NHSL2: variants seen among roughly 807,000 people sequenced by gnomAD.
The protein encoded by NHSL2 is NHS like 2, also known as NHS-like protein 2.
NHSL2 carries 27 observed loss-of-function variants against 53.4 expected under a neutral mutation model. The observed-to-expected ratio is 0.51, with a 90% confidence interval of 0.37 to 0.70. The LOEUF (loss-of-function observed/expected upper bound fraction) is 0.70. NHSL2 is among the 30% of genes least tolerant of loss of function. The pLI is 0.00. For missense variants in NHSL2, 892 were observed against 980.1 expected, an observed-to-expected ratio of 0.91 and a Z score of 1.20; for synonymous variants, 408 against 404.1, an observed-to-expected ratio of 1.01 and a Z score of -0.12.
At chrX:72,121,874 C>T (rs918192374) in intron 1 of NHSL2, among the ~76,000 whole-genome samples, 1 of 112,038 alleles carries the variant, frequency 8.9e-6, no homozygotes, top group Middle Eastern at 4.6e-3. Flanking sequence ...GTAGTGTTAG[C>T]GGTATCTGTG....
intron 1 of NHSL2, among the ~76,000 whole-genome samples, chrX:71,988,062 G>A (rs2042010629): frequency 1.8e-5 from 2 of 112,161 alleles, no homozygotes; most frequent in Admixed American, 1.9e-4. Flanking sequence ...AGTCTCTGGC[G>A]AGACAGTCGC....
intron 1 of NHSL2, among the ~76,000 whole-genome samples, chrX:72,122,308 T>C: frequency 8.9e-6 from 1 of 112,190 alleles, no homozygotes; most frequent in Middle Eastern, 4.6e-3. Flanking sequence ...AGCACTTGCA[T>C]GTTAGTGCTG....
chrX:71,947,516 A>C (rs147141170), intron 1 of NHSL2, among the ~76,000 whole-genome samples: 118 of 112,374 alleles, frequency 1.1e-3, no homozygotes, highest in African/African-American at 3.3e-3. Flanking sequence ...TTGTTTTCCA[A>C]ATCACTCCCT....
At chrX:72,119,707 A>C (rs1041655061) in intron 1 of NHSL2, among the ~76,000 whole-genome samples, 1 of 112,043 alleles carries the variant, frequency 8.9e-6, no homozygotes, top group African/African-American at 3.2e-5. Flanking sequence ...AATATGGGTT[A>C]CTTCTCCCTT....
chrX:72,022,351 T>C (rs1291462422), intron 1 of NHSL2, among the ~76,000 whole-genome samples: 2 of 112,657 alleles, frequency 1.8e-5, no homozygotes, highest in African/African-American at 6.5e-5. Flanking sequence ...ATTACTTTAA[T>C]GTCTCAACCC....
chrX:72,132,381 C>T, intron 2 of NHSL2, 147 bp downstream of exon 2: 3 of 560,628 alleles, frequency 5.4e-6, no homozygotes, highest in Admixed American at 4.4e-5. Context: ...CAGCTTTCAC[C>T]TTTCAGCCTA....
In NHSL2 at chrX:72,139,311, G is replaced by T; in HGVS notation, c.1763G>T (p.Gly588Val). The T allele has an allele frequency of 8.3e-7, 1 of 1,209,253 alleles. No individual in the cohort carries two copies. The highest frequency in any genetic ancestry group is 1.8e-5 in the South Asian group (1 of 56,498). The change falls in exon 6 of 8, where the codon GGT (glycine) becomes GTT (valine). Residue 588 changes from glycine to valine, a missense_variant. Coordinates refer to ENST00000633930, the MANE Select transcript of NHSL2 (RefSeq NM_001013627.3). ...VKDEPGLLPE[G>V]GSALPKDQRP... ...GATGAGCCAGGCCTCTTGCCTGAAG[G>T]TGGGTCAGCACTACCCAAGGACCAG... is the stretch of plus-strand genomic sequence containing the variant.
chrX:71,964,023 A>ATATATATATATATGTGTATATATATATG (rs1556312333), intron 1 of NHSL2, among the ~76,000 whole-genome samples: 1 of 26,722 alleles, frequency 3.7e-5, no homozygotes, highest in African/African-American at 1.3e-4. Flanking sequence ...ATATATATAT[A>ATATATATATATATGTGTATATATATATG]TGTGTATATA....
Position 72,066,636 on chromosome X carries a change from G to A in NHSL2, c.281-65443G>A, listed in dbSNP as rs936562075. On this transcript the variant is annotated intron_variant, in intron 1 of 7. Transcript: ENST00000633930. The stretch of plus-strand genomic sequence containing the variant: ...ACAAGGGAGAAAGGAGGGGTTCCGC[G>A]TCTGCTCTTCTCTTTTGTTGTTCTT... Among the ~76,000 whole-genome samples, 29 of 111,888 alleles carry A rather than the reference G, an allele frequency of 2.6e-4. 1 individual carries two copies. The highest frequency in any genetic ancestry group is 2.4e-3 in the Admixed American group (25 of 10,609).
At chrX:71,926,865 A>C (rs1212439630) in intron 1 of NHSL2, among the ~76,000 whole-genome samples, 3 of 111,357 alleles carry the variant, frequency 2.7e-5, no homozygotes, top group Non-Finnish European at 5.7e-5. Context: ...TCATTCTTGC[A>C]ACAAAATGTT....
chrX:71,986,844 A>G (rs1164761528), intron 1 of NHSL2, among the ~76,000 whole-genome samples: 3 of 111,884 alleles, frequency 2.7e-5, no homozygotes, highest in Non-Finnish European at 3.8e-5. Context: ...ATTTGAGCGA[A>G]TATGTTCACA....
chrX:71,959,612 C>G (rs1013916526), intron 1 of NHSL2, among the ~76,000 whole-genome samples: 1 of 111,090 alleles, frequency 9.0e-6, no homozygotes. Context: ...TGTGACCCCC[C>G]AATCCCTCAG....
intron 1 of NHSL2, among the ~76,000 whole-genome samples, chrX:72,015,474 A>G (rs1428395358): frequency 8.9e-6 from 1 of 112,509 alleles, no homozygotes; most frequent in Non-Finnish European, 1.9e-5. Context: ...CATCCATTCA[A>G]TAAACATTTG....
At chrX:71,929,732 C>CT (rs927849116) in intron 1 of NHSL2, among the ~76,000 whole-genome samples, 1 of 110,514 alleles carries the variant, frequency 9.0e-6, no homozygotes, top group African/African-American at 3.3e-5. Flanking sequence ...TTCTGGCTCT[C>CT]TTTCTGTTTC....
In NHSL2 at chrX:72,139,175, C is replaced by T. The variant is rs775159591; in HGVS notation, c.1627C>T (p.Leu543Phe). The change falls in exon 6 of 8, where the codon CTT becomes TTT. Residue 543 changes from leucine to phenylalanine, a missense_variant. Transcript: ENST00000633930. ...GSNSADNIASLSAQQEAQHRR... is the reference protein window; with the variant it reads ...GSNSADNIASFSAQQEAQHRR... Reference sequence around the variant, plus strand: ...TAACAGTGCTGACAACATTGCCTCCCTTAGTGCCCAGCAAGAGGCCCAGCA... The same window carrying T: ...TAACAGTGCTGACAACATTGCCTCCTTTAGTGCCCAGCAAGAGGCCCAGCA... 1 of 1,174,532 alleles carries T rather than the reference C, an allele frequency of 8.5e-7. No individual in the cohort carries two copies. The highest frequency in any genetic ancestry group is 1.1e-6 in the Non-Finnish European group (1 of 876,399).
At chrX:72,010,958 C>T (rs2147892410) in intron 1 of NHSL2, among the ~76,000 whole-genome samples, 1 of 112,281 alleles carries the variant, frequency 8.9e-6, no homozygotes, top group African/African-American at 3.2e-5. Context: ...CCCCTAGCGA[C>T]CACTCATCTA....
At chrX:72,071,110 G>A (rs1471495262) in intron 1 of NHSL2, among the ~76,000 whole-genome samples, 1 of 111,201 alleles carries the variant, frequency 9.0e-6, no homozygotes, top group Non-Finnish European at 1.9e-5. Flanking sequence ...ATGCTGGCAC[G>A]CAGGGTAACT....
intron 1 of NHSL2, among the ~76,000 whole-genome samples, chrX:71,937,881 C>T (rs986234112): frequency 2.7e-5 from 3 of 111,998 alleles, no homozygotes; most frequent in Non-Finnish European, 3.8e-5. Flanking sequence ...CTTACAGCTC[C>T]GGTGATCAGA....
chrX:72,082,001 G>A (rs985073966), intron 1 of NHSL2, among the ~76,000 whole-genome samples: 1 of 112,150 alleles, frequency 8.9e-6, no homozygotes, highest in Admixed American at 9.4e-5. Flanking sequence ...CAAGTTGCTT[G>A]GCCAGGCATC....
Sources: allele counts gnomAD v4.1 joint callset (sites outside exome capture counted in the v4.1 genomes callset), GRCh38; gene constraint gnomAD v4.1.1; transcripts MANE v1.5; gene names NCBI Gene and HGNC (gene_info 2026-07-23, HGNC 2026-07-21).